HDAC4: variants seen among roughly 807,000 people sequenced by gnomAD.
HDAC4 encodes histone deacetylase 4, also known as histone deacetylase A.
A neutral mutation model predicts 135.1 loss-of-function variants in HDAC4; 16 were observed. The observed-to-expected ratio is 0.12, with a 90% confidence interval of 0.08 to 0.18. The LOEUF (loss-of-function observed/expected upper bound fraction) is 0.18, where lower values mean the gene tolerates loss of function less well. HDAC4 is among the 10% of genes least tolerant of loss of function. The probability of loss-of-function intolerance (pLI) is 1.00; values close to 1 mark genes in which losing one functional copy is unlikely to be tolerated. For synonymous variants in HDAC4, 685 were observed against 653.4 expected (o/e 1.05, Z -0.74); for missense variants, 1,143 against 1,511.8 (o/e 0.76, Z 4.05).
chr2:239,329,344 C>T (rs1231771190), intron 2 of HDAC4, among the ~76,000 whole-genome samples: 1 of 152,224 alleles, frequency 6.6e-6, no homozygotes, highest in Non-Finnish European at 1.5e-5. Context: ...TACCATCACT[C>T]ATCACCAAAA....
chr2:239,351,422 T>G (rs894996432), intron 2 of HDAC4, among the ~76,000 whole-genome samples: 14 of 152,136 alleles, frequency 9.2e-5, no homozygotes, highest in African/African-American at 3.4e-4. Flanking sequence ...CTCACACACA[T>G]CACACTATGT....
At chr2:239,092,198 C>T (rs1033566992) in intron 17 of HDAC4, among the ~76,000 whole-genome samples, 13 of 151,734 alleles carry the variant, frequency 8.6e-5, no homozygotes, top group Admixed American at 2.6e-4. Flanking sequence ...ATGAATGCAC[C>T]GCTGCACTCC....
chr2:239,068,476 CA>C lies in HDAC4; in HGVS notation c.2869+12del. The C allele has an allele frequency of 6.3e-7, 1 of 1,579,180 alleles. No homozygotes were observed. Among genetic ancestry groups the C allele is most frequent in the Non-Finnish European group, 8.7e-7 (1 of 1,148,302 alleles). On this transcript the variant is annotated intron_variant, in intron 23 of 26. Coordinates refer to ENST00000543185, the MANE Select transcript of HDAC4 (RefSeq NM_001378414.1). This position sits in a 1 kb window ranked among gnomAD's most constrained non-coding sequence, Gnocchi z 4.4. ...GCAGAACCGGCTCCTCAGTCATATG[CA>C]GAACCACTTACATCTGGCGGAGAGG...
At chr2:239,180,315 G>A (rs923380777) in intron 4 of HDAC4, among the ~76,000 whole-genome samples, 7 of 152,018 alleles carry the variant, frequency 4.6e-5, no homozygotes, top group East Asian at 1.9e-4. Flanking sequence ...GGTCACAGGC[G>A]GTGCAGGGGA....
chr2:239,279,077 T>A (rs574397605), intron 2 of HDAC4, among the ~76,000 whole-genome samples: 9 of 152,018 alleles, frequency 5.9e-5, no homozygotes, highest in African/African-American at 2.2e-4. Context: ...GCGGGGAAAG[T>A]GGTTGGAGGT....
chr2:239,372,711 TTC>T (rs369102587), intron 1 of HDAC4, among the ~76,000 whole-genome samples: 398 of 152,326 alleles, frequency 2.6e-3, no homozygotes, highest in African/African-American at 8.5e-3. Flanking sequence ...AATAGCTTCT[TTC>T]TCTCTTTCCT....
intron 2 of HDAC4, among the ~76,000 whole-genome samples, chr2:239,345,990 TCA>T (rs1487788082): frequency 2.2e-5 from 3 of 138,836 alleles, no homozygotes; most frequent in African/African-American, 8.4e-5. Flanking sequence ...TACCACCGTC[TCA>T]CACACTTGCA....
chr2:239,350,083 A>G (rs913195416), intron 2 of HDAC4, among the ~76,000 whole-genome samples: 1 of 152,236 alleles, frequency 6.6e-6, no homozygotes, highest in Admixed American at 6.5e-5. Flanking sequence ...CTGAGCCTCA[A>G]AGAACCCGGC....
At chr2:239,124,835 G>A (rs1575116349) in intron 12 of HDAC4, among the ~76,000 whole-genome samples, 3 of 136,462 alleles carry the variant, frequency 2.2e-5, no homozygotes, top group Admixed American at 7.3e-5. Context: ...GTGTGCTGGC[G>A]TGCGGCCGCG....
At chr2:239,096,589 A>AC (rs1159226314) in intron 16 of HDAC4, among the ~76,000 whole-genome samples, 2 of 30,510 alleles carry the variant, frequency 6.6e-5, no homozygotes, top group African/African-American at 1.4e-4. Flanking sequence ...GAACACCTGC[A>AC]CCCCCCACGA....
chr2:239,068,639 C>T lies in HDAC4; in HGVS notation c.2751-32G>A. The T allele has an allele frequency of 6.4e-7, 1 of 1,569,524 alleles. No individual in the cohort carries two copies. The highest frequency in any genetic ancestry group is 1.3e-5 in the African/African-American group (1 of 74,196). ...AGGACAGGAGAAGGCGTTACTGGGT[C>T]AGCTGAAAGAGGGACGGGACGGTCA... On this transcript the variant is annotated intron_variant, in intron 22 of 26. Coordinates refer to ENST00000543185, the MANE Select transcript of HDAC4 (RefSeq NM_001378414.1). This position sits in a 1 kb window ranked among gnomAD's most constrained non-coding sequence, Gnocchi z 4.4.
chr2:239,094,712 C>T, intron 17 of HDAC4: 2 of 1,254,480 alleles, frequency 1.6e-6, no homozygotes, highest in Non-Finnish European at 2.0e-6. Context: ...CTGCCACAGA[C>T]TTCGAAGGGG....
intron 1 of HDAC4, among the ~76,000 whole-genome samples, chr2:239,372,847 T>C (rs372970763): frequency 1.3e-5 from 2 of 152,124 alleles, no homozygotes; most frequent in Non-Finnish European, 2.9e-5. Context: ...TGTGCACATA[T>C]GTACACATGC....
rs1288632207 is a variant in HDAC4 at position 239,081,171 on chromosome 2, C to T, written c.2674G>A (p.Gly892Ser). 1 of 1,613,664 alleles carries T rather than the reference C, an allele frequency of 6.2e-7. No individual in the cohort carries two copies. Among genetic ancestry groups the T allele is most frequent in the Middle Eastern group, 1.6e-4 (1 of 6,062 alleles). Residue 892 changes from glycine (G) to serine (S), a missense_variant, in exon 22 of 27, where the codon GGT (glycine) becomes AGT (serine). Gly to Ser is a moderately conservative substitution (Grantham distance 56). Coordinates refer to ENST00000543185, the MANE Select transcript of HDAC4 (RefSeq NM_001378414.1). ...PDEVGTGPGV[G>S]FNVNMAFTGG... is the part of the protein sequence containing the mutation. Reference sequence around the variant, plus strand: ...GTGAAAGCCATGTTGACGTTGAAACCCACGCCGGGCCCTGTGCCCACCTGT... The same window carrying T: ...GTGAAAGCCATGTTGACGTTGAAACTCACGCCGGGCCCTGTGCCCACCTGT...
At chr2:239,197,665 T>C (rs570941047) in intron 3 of HDAC4, among the ~76,000 whole-genome samples, 1 of 152,368 alleles carries the variant, frequency 6.6e-6, no homozygotes, top group South Asian at 2.1e-4. Flanking sequence ...ATGTATATTC[T>C]AACCTTTTAA....
chr2:239,225,743 A>C (rs1393150810), intron 3 of HDAC4, among the ~76,000 whole-genome samples: 1 of 152,150 alleles, frequency 6.6e-6, no homozygotes, highest in African/African-American at 2.4e-5. Flanking sequence ...GTGGCCACGT[A>C]CTGCTACCCA....
intron 2 of HDAC4, among the ~76,000 whole-genome samples, chr2:239,311,363 T>C (rs2125707296): frequency 6.6e-6 from 1 of 152,224 alleles, no homozygotes; most frequent in South Asian, 2.1e-4. Context: ...ACCGTTAGAC[T>C]GGGTAGCATT....
At chr2:239,378,215 C>T (rs1695163660) in intron 1 of HDAC4, among the ~76,000 whole-genome samples, 1 of 152,024 alleles carries the variant, frequency 6.6e-6, no homozygotes, top group Non-Finnish European at 1.5e-5. Flanking sequence ...AGTGGGCATC[C>T]GTGACAGCTT....
chr2:239,320,204 G>A (rs971594951), intron 2 of HDAC4, among the ~76,000 whole-genome samples: 25 of 151,994 alleles, frequency 1.6e-4, no homozygotes, highest in Non-Finnish European at 1.5e-5. Flanking sequence ...CCAACATGGT[G>A]AAACCCCGTC....
Sources: gnomAD v4.1 joint callset for allele counts (sites outside exome capture counted in the v4.1 genomes callset) on GRCh38, gnomAD v4.1.1 for gene constraint, Gnocchi (gnomAD v3.1) non-coding constraint, MANE v1.5 for transcripts, NCBI Gene and HGNC (gene_info 2026-07-23, HGNC 2026-07-21) for gene names.